Variants in MYO5C observed in about 807,000 individuals in gnomAD.
The protein encoded by MYO5C is unconventional myosin-Vc.
A neutral mutation model predicts 235.7 loss-of-function variants in MYO5C; 194 were observed. That is an observed-to-expected ratio of 0.82 (90% CI 0.73 to 0.93). The LOEUF (loss-of-function observed/expected upper bound fraction) is 0.93, where lower values mean the gene tolerates loss of function less well. MYO5C is among the 40% of genes least tolerant of loss of function. The pLI, the probability that MYO5C is intolerant of heterozygous loss-of-function variation, is 0.00. For missense variants in MYO5C, 2,038 were observed against 2,127.2 expected, an observed-to-expected ratio of 0.96 and a Z score of 0.82; for synonymous variants, 707 against 754.8, an observed-to-expected ratio of 0.94 and a Z score of 1.04.
At chr15:52,225,834 G>A (rs1329885315) in intron 25 of MYO5C, among the ~76,000 whole-genome samples, 1 of 152,166 alleles carries the variant, frequency 6.6e-6, no homozygotes, top group East Asian at 1.9e-4. Context: ...TGGATCACCT[G>A]AGTTCAGGAG....
chr15:52,279,566 C>A lies in MYO5C; in HGVS notation c.247G>T (p.Val83Leu). The A allele has an allele frequency of 4.3e-6, 7 of 1,614,082 alleles. No homozygotes were observed. The highest frequency in any genetic ancestry group is 5.9e-6 in the Non-Finnish European group (7 of 1,179,948). ...TALSYLHEPA[V>L]LHNLRIRFAE... Reference sequence around the variant, plus strand: ...AAGCGGATTCTGAGGTTGTGGAGCACCGCGGGCTCGTGAAGATAGCTGAGA... The same window carrying A: ...AAGCGGATTCTGAGGTTGTGGAGCAACGCGGGCTCGTGAAGATAGCTGAGA... The change falls in exon 3 of 41, where the codon GTG (valine) becomes TTG (leucine). Residue 83 changes from valine (V) to leucine (L), a missense_variant. Transcript: ENST00000261839.
At chr15:52,225,869 G>A (rs1375545596) in intron 25 of MYO5C, among the ~76,000 whole-genome samples, 1 of 151,964 alleles carries the variant, frequency 6.6e-6, no homozygotes, top group African/African-American at 2.4e-5. Flanking sequence ...GACCAACATG[G>A]TAAAATCCCA....
intron 2 of MYO5C, among the ~76,000 whole-genome samples, chr15:52,280,703 AG>A (rs2037146722): frequency 6.6e-6 from 1 of 152,210 alleles, no homozygotes; most frequent in African/African-American, 2.4e-5. Context: ...CCCCATGCCA[AG>A]CACTCAGCAT....
intron 34 of MYO5C, among the ~76,000 whole-genome samples, 191 bp from the exon 35 acceptor site, chr15:52,212,075 G>T (rs181274745): frequency 6.6e-6 from 1 of 152,220 alleles, no homozygotes; most frequent in African/African-American, 2.4e-5. Flanking sequence ...GGTGTCACTT[G>T]TTCCTCTTCT....
At chr15:52,231,828 C>G (rs1483715472) in intron 24 of MYO5C, among the ~76,000 whole-genome samples, 1 of 152,174 alleles carries the variant, frequency 6.6e-6, no homozygotes, top group African/African-American at 2.4e-5. Context: ...AGAAGGGAAG[C>G]CCAGATTGGA....
At chr15:52,234,318 C>T (rs1439882741) in intron 23 of MYO5C, among the ~76,000 whole-genome samples, 1 of 152,142 alleles carries the variant, frequency 6.6e-6, no homozygotes, top group African/African-American at 2.4e-5. Flanking sequence ...TCGGGGGAGG[C>T]GCACAGGATA....
intron 34 of MYO5C, among the ~76,000 whole-genome samples, chr15:52,212,443 A>T (rs1171316939): frequency 6.6e-6 from 1 of 152,192 alleles, no homozygotes; most frequent in East Asian, 1.9e-4. Context: ...AAGAACAAAG[A>T]AGAGGCTCAC....
At chr15:52,249,569 A>AG (rs1304880484) in intron 13 of MYO5C, among the ~76,000 whole-genome samples, 2 of 152,214 alleles carry the variant, frequency 1.3e-5, no homozygotes, top group African/African-American at 4.8e-5. Flanking sequence ...TTTGTCCCCC[A>AG]GGTAAGGAAG....
chr15:52,235,647 G>T, intron 23 of MYO5C, 23 bp downstream of exon 23: 2 of 1,570,910 alleles, frequency 1.3e-6, no homozygotes, highest in Non-Finnish European at 1.7e-6. Flanking sequence ...TGAATGTCTG[G>T]ATTTGTGCCC....
In MYO5C at chr15:52,194,073, G is replaced by GA; in HGVS notation, c.5077-20dup. ...GGAGAGCCTGAAATTAGAATCAGAG[G>GA]AAAAATGAGTAAGGAAACTAACATG... On this transcript the variant is annotated intron_variant, in intron 40 of 40. Transcript: ENST00000261839. 6.2e-7 allele frequency: 1 copy of GA among 1,600,846 alleles called. No homozygotes were observed.
chr15:52,285,965 C>A (rs1051086340), intron 1 of MYO5C, among the ~76,000 whole-genome samples: 1 of 151,944 alleles, frequency 6.6e-6, no homozygotes. Context: ...TCTTCCCGGC[C>A]GCCATCCCAT....
intron 29 of MYO5C, 48 bp downstream of exon 29, chr15:52,223,496 C>T (rs957324249): frequency 6.5e-7 from 1 of 1,532,080 alleles, no homozygotes; most frequent in Non-Finnish European, 8.8e-7. Flanking sequence ...TGACAAAGAA[C>T]AACTCTAGTA....
At chr15:52,223,360 T>C (rs887444134) in intron 29 of MYO5C, among the ~76,000 whole-genome samples, 184 bp downstream of exon 29, 1 of 152,208 alleles carries the variant, frequency 6.6e-6, no homozygotes, top group Non-Finnish European at 1.5e-5. Context: ...ACACACACTC[T>C]TGTATCAGAG....
intron 4 of MYO5C, chr15:52,277,344 T>C: frequency 6.3e-6 from 3 of 478,882 alleles, no homozygotes; most frequent in South Asian, 4.8e-5. Flanking sequence ...ATCCCACCCA[T>C]ACCCAGTCCC....
chr15:52,255,010 C>CA (rs61685628), intron 11 of MYO5C, among the ~76,000 whole-genome samples: 120,915 of 145,938 alleles, frequency 0.83, 52,142 homozygotes, highest in Non-Finnish European at 0.96. Flanking sequence ...AATTCTGGGC[C>CA]AAAAAAAAAA....
chr15:52,260,401 C>T (rs370753800), intron 10 of MYO5C, among the ~76,000 whole-genome samples: 84 of 152,258 alleles, frequency 5.5e-4, no homozygotes, highest in Non-Finnish European at 8.4e-4. Context: ...CCCTGTGATT[C>T]GAATGGGAAG....
At chr15:52,205,795 G>C in intron 37 of MYO5C, 21 bp downstream of exon 37, 10 of 1,402,414 alleles carry the variant, frequency 7.1e-6, no homozygotes, top group Non-Finnish European at 8.7e-6. Context: ...AATATTTTTT[G>C]GTCATCCATT....
At chr15:52,228,905 T>C (rs545266689) in intron 25 of MYO5C, among the ~76,000 whole-genome samples, 9 of 152,360 alleles carry the variant, frequency 5.9e-5, no homozygotes, top group African/African-American at 2.2e-4. Flanking sequence ...TAACTTTACA[T>C]AAATGTAATT....
At chr15:52,267,062 G>A (rs1030573308) in intron 8 of MYO5C, among the ~76,000 whole-genome samples, 4 of 152,252 alleles carry the variant, frequency 2.6e-5, no homozygotes, top group Non-Finnish European at 4.4e-5. Context: ...CTGAGAGTGA[G>A]TGCCTCTCTC....
Sources: allele counts gnomAD v4.1 joint callset (sites outside exome capture counted in the v4.1 genomes callset), GRCh38; gene constraint gnomAD v4.1.1; transcripts MANE v1.5; gene names NCBI Gene and HGNC (gene_info 2026-07-23, HGNC 2026-07-21).